Variants in TRPV1 observed in about 807,000 individuals in gnomAD.
The protein encoded by TRPV1 is OTRPC1.
A neutral mutation model predicts 82.3 loss-of-function variants in TRPV1; 82 were observed. The ratio of observed to expected loss-of-function variants is 1.00; its 90% CI spans 0.83 to 1.20. TRPV1 has a LOEUF of 1.20. Among genes scored for constraint, TRPV1 ranks in the 50% most tolerant of loss-of-function variants. The probability of loss-of-function intolerance (pLI) is 0.00; values close to 1 mark genes in which losing one functional copy is unlikely to be tolerated. For synonymous variants in TRPV1, 515 were observed against 467.7 expected, an observed-to-expected ratio of 1.10 and a Z score of -1.30; for missense variants, 1,067 against 1,096.8, an observed-to-expected ratio of 0.97 and a Z score of 0.38.
chr17:3,598,944 A>C (rs1402404794), intron 2 of TRPV1, among the ~76,000 whole-genome samples: 2 of 150,576 alleles, frequency 1.3e-5, no homozygotes, highest in African/African-American at 2.4e-5. Flanking sequence ...CTTGTTTATA[A>C]ATTGTGGCAA....
chr17:3,585,614 G>C, intron 9 of TRPV1, 154 bp downstream of exon 9: 2 of 900,384 alleles, frequency 2.2e-6, no homozygotes, highest in South Asian at 1.7e-5. Context: ...GCAGGGATAC[G>C]AGGTTCTCCA....
chr17:3,599,610 G>C (rs1487616745), intron 2 of TRPV1, among the ~76,000 whole-genome samples: 2 of 150,572 alleles, frequency 1.3e-5, no homozygotes, highest in African/African-American at 4.9e-5. Context: ...TAGCCTGTAA[G>C]AGAATTTCCT....
In TRPV1 at chr17:3,577,578, C is replaced by T. The variant is rs202111207; in HGVS notation, c.1713+20G>A. ...GGTAAGCGGGCTCTGAGGAGACCCA[C>T]TGGGGCCCAGGGAACCCACCTTCTC... On this transcript the variant is annotated intron_variant, in intron 12 of 16. Transcript: ENST00000572705. The T allele has an allele frequency of 1.3e-6, 2 of 1,564,142 alleles. No individual in the cohort carries two copies. The highest frequency in any genetic ancestry group is 4.8e-5 in the East Asian group (2 of 41,802).
chr17:3,567,866 AC>A (rs1315551251), intron 16 of TRPV1, among the ~76,000 whole-genome samples: 2 of 152,198 alleles, frequency 1.3e-5, no homozygotes, highest in East Asian at 3.9e-4. Flanking sequence ...GGGTGTGTAT[AC>A]CCCTGCCACT....
At chr17:3,591,151 G>GGCTGGGGCCCTCCCCGAGCCCAGC (rs761821344) in intron 4 of TRPV1, 35 bp from the exon 5 acceptor site, 11 of 1,609,666 alleles carry the variant, frequency 6.8e-6, no homozygotes, top group Non-Finnish European at 8.5e-6. Context: ...GGCAGGCCAG[G>GGCTGGGGCCCTCCCCGAGCCCAGC]GCTGGGGCCC....
At chr17:3,604,611 AAAAAAG>A (rs1428393383) in intron 2 of TRPV1, among the ~76,000 whole-genome samples, 7 of 151,988 alleles carry the variant, frequency 4.6e-5, no homozygotes, top group South Asian at 4.2e-4. Flanking sequence ...CTCAAAAAAA[AAAAAAG>A]AAAAAGAAAA....
chr17:3,588,190 G>C lies in TRPV1; in HGVS notation c.1222C>G (p.Pro408Ala). The C allele has an allele frequency of 2.6e-6, 4 of 1,557,576 alleles. No homozygotes were observed. In the South Asian group the frequency reaches 4.7e-5, roughly 18 times the overall value. Residue 408 changes from proline to alanine, a missense_variant and splice_region_variant, in exon 8 of 17, where the codon CCT (proline) becomes GCT (alanine). Coordinates refer to ENST00000572705, the MANE Select transcript of TRPV1 (RefSeq NM_080704.4). Reference protein sequence around the residue: ...EVIAYSSSETPNRHDMLLVEP... With the variant: ...EVIAYSSSETANRHDMLLVEP... ...CTGGCTGTGCCCCAGCCACTCACAGGGGTCTCGCTGCTGCTGTAGGCGATC... is the reference window on the plus strand; with the variant it reads ...CTGGCTGTGCCCCAGCCACTCACAGCGGTCTCGCTGCTGCTGTAGGCGATC...
At chr17:3,580,629 A>G (rs747766546) in intron 10 of TRPV1, 102 bp from the exon 11 acceptor site, 144 of 1,227,578 alleles carry the variant, frequency 1.2e-4, no homozygotes, top group Non-Finnish European at 1.6e-4. Context: ...GGGTGGTCGA[A>G]TGTGTGAAAG....
intron 16 of TRPV1, among the ~76,000 whole-genome samples, chr17:3,569,130 G>C (rs2074813893): frequency 6.6e-6 from 1 of 152,036 alleles, no homozygotes; most frequent in Non-Finnish European, 1.5e-5. Flanking sequence ...GGTTGGGGGA[G>C]TGGGGAGGGA....
rs199797553 is a variant in TRPV1 at position 3,591,167 on chromosome 17, G to A, written c.451+20C>T. The A allele has an allele frequency of 2.2e-5, 36 of 1,608,202 alleles. No individual in the cohort carries two copies. The highest frequency in any genetic ancestry group is 3.4e-5 in the Admixed American group (2 of 58,702). Reference sequence around the variant, plus strand: ...GCAGGCCAGGGCTGGGGCCCTCCCCGAGCCCAGCGCTGGGGCCACCTTTGA... The same window carrying A: ...GCAGGCCAGGGCTGGGGCCCTCCCCAAGCCCAGCGCTGGGGCCACCTTTGA... On this transcript the variant is annotated intron_variant, in intron 4 of 16. Coordinates refer to ENST00000572705, the MANE Select transcript of TRPV1 (RefSeq NM_080704.4).
Position 3,588,387 on chromosome 17 carries a change from G to C in TRPV1, c.1045-20C>G. 4 of 1,548,946 alleles carry C rather than the reference G, an allele frequency of 2.6e-6. No homozygotes were observed. Among genetic ancestry groups the C allele is most frequent in the Non-Finnish European group, 3.5e-6 (4 of 1,145,272 alleles). ...CAAGACCTGCCCCCGGGGAGCAAGAGCCCGTCAGAGGCCAGCCCCAGGCTC... is the reference window on the plus strand; with the variant it reads ...CAAGACCTGCCCCCGGGGAGCAAGACCCCGTCAGAGGCCAGCCCCAGGCTC... On this transcript the variant is annotated intron_variant, in intron 7 of 16. Transcript: ENST00000572705.
rs1359383896 is a variant in TRPV1 at position 3,573,362 on chromosome 17, G to A, written c.2103+271C>T. On this transcript the variant is annotated intron_variant, in intron 14 of 16. Transcript: ENST00000572705. ...ACACCAGCTGAGCTCATCTGCCCCT[G>A]AGCAGGTGCTGGGCAGGGGAACTTG... Among the ~76,000 whole-genome samples the A allele has an allele frequency of 4.6e-5, 7 of 152,266 alleles. No homozygotes were observed. The South Asian group carries it at 1.2e-3, about 27-fold the overall frequency.
intron 12 of TRPV1, 58 bp downstream of exon 12, chr17:3,577,540 C>G: frequency 6.5e-7 from 1 of 1,537,798 alleles, no homozygotes. Context: ...GGCCCCATCT[C>G]ACATGACCAC....
intron 10 of TRPV1, among the ~76,000 whole-genome samples, chr17:3,580,944 A>G (rs571802993): frequency 6.6e-6 from 1 of 151,630 alleles, no homozygotes; most frequent in African/African-American, 2.4e-5. Context: ...GCTTGAACCC[A>G]GGAGGCAGAG....
intron 8 of TRPV1, among the ~76,000 whole-genome samples, chr17:3,587,350 C>T (rs1031471594): frequency 6.6e-6 from 1 of 152,206 alleles, no homozygotes; most frequent in Non-Finnish European, 1.5e-5. Context: ...GCTGATGGCA[C>T]AGACTCTAGC....
At chr17:3,572,809 C>T (rs965411529) in intron 14 of TRPV1, among the ~76,000 whole-genome samples, 1 of 152,150 alleles carries the variant, frequency 6.6e-6, no homozygotes, top group South Asian at 2.1e-4. Flanking sequence ...ATGGTGAAAC[C>T]CCATCTCTAC....
At chr17:3,604,369 G>A (rs544501669) in intron 2 of TRPV1, among the ~76,000 whole-genome samples, 21 of 152,168 alleles carry the variant, frequency 1.4e-4, no homozygotes, top group African/African-American at 3.1e-4. Context: ...AGGCTGAGGC[G>A]GGCGGATCAC....
chr17:3,583,220 T>TC, intron 10 of TRPV1, 118 bp downstream of exon 10: 1 of 911,044 alleles, frequency 1.1e-6, no homozygotes, highest in Middle Eastern at 3.3e-4. Context: ...GTCTCTCAGC[T>TC]CCCCAAGTAG....
chr17:3,575,628 T>C (rs1242775162), intron 13 of TRPV1, among the ~76,000 whole-genome samples: 1 of 152,130 alleles, frequency 6.6e-6, no homozygotes, highest in Admixed American at 6.6e-5. Context: ...CCTTGAAAAG[T>C]ATCCATCACA....
Sources: allele counts gnomAD v4.1 joint callset (sites outside exome capture counted in the v4.1 genomes callset), GRCh38; gene constraint gnomAD v4.1.1; transcripts MANE v1.5; gene names NCBI Gene and HGNC (gene_info 2026-07-23, HGNC 2026-07-21).